CAMTA1: variants seen among roughly 807,000 people sequenced by gnomAD.
CAMTA1 encodes calmodulin-binding transcription activator 1.
A neutral mutation model predicts 170.9 loss-of-function variants in CAMTA1; 27 were observed. That is an observed-to-expected ratio of 0.16 (90% CI 0.12 to 0.22). The LOEUF (loss-of-function observed/expected upper bound fraction) is 0.22, where lower values mean the gene tolerates loss of function less well. Ranked by LOEUF, CAMTA1 falls within the 10% of genes least tolerant of loss-of-function variation. CAMTA1 has a pLI of 1.00. For synonymous variants in CAMTA1, 833 were observed against 891.5 expected (o/e 0.93, Z 1.17); for missense variants, 1,619 against 2,217.2 (o/e 0.73, Z 5.42).
chr1:7,032,925 A>G (rs78197799), intron 3 of CAMTA1, among the ~76,000 whole-genome samples: 3,140 of 152,130 alleles, frequency 0.021, 94 homozygotes, highest in African/African-American at 0.071. Flanking sequence ...GTCTGCAGTT[A>G]TTCATATCTT....
chr1:7,498,193 T>TGAGTGTTG lies in CAMTA1; in HGVS notation c.510+30293_510+30294insAGTGTTGG, dbSNP rs529752154. Among the ~76,000 whole-genome samples the TGAGTGTTG allele has an allele frequency of 8.7e-3, 1,293 of 147,946 alleles. 18 individuals carry two copies. Among genetic ancestry groups the TGAGTGTTG allele is most frequent in the African/African-American group, 0.03 (1,187 of 39,878 alleles). On this transcript the variant is annotated intron_variant, in intron 6 of 22. Coordinates refer to ENST00000303635, the MANE Select transcript of CAMTA1 (RefSeq NM_015215.4). Reference sequence around the variant, plus strand: ...GTGCATGTGTGTGTATGAGAGTGAGTGTGTGTGTGTGTGACAGTGTGGATG... The same window carrying TGAGTGTTG: ...GTGCATGTGTGTGTATGAGAGTGAGTGAGTGTTGGTGTGTGTGTGTGACAGTGTGGATG...
At position 7,041,193 on chromosome 1, in the gene CAMTA1, T is replaced by G. The variant is rs1050461198; in HGVS notation, c.235-50111T>G. On this transcript the variant is annotated intron_variant, in intron 3 of 22. Coordinates refer to ENST00000303635, the MANE Select transcript of CAMTA1 (RefSeq NM_015215.4). This position sits in a 1 kb window ranked among gnomAD's most constrained non-coding sequence, Gnocchi z 5.1. Reference sequence around the variant, plus strand: ...TGTCAGCCACCCTTGGTTCATTTTCTACACGAGGCCCCACACGGCCCCGGA... The same window carrying G: ...TGTCAGCCACCCTTGGTTCATTTTCGACACGAGGCCCCACACGGCCCCGGA... Among the ~76,000 whole-genome samples, 6 of 152,270 alleles carry G rather than the reference T, an allele frequency of 3.9e-5. No individual in the cohort carries two copies. Among genetic ancestry groups the G allele is most frequent in the Admixed American group, 1.3e-4 (2 of 15,294 alleles).
intron 3 of CAMTA1, among the ~76,000 whole-genome samples, chr1:7,086,971 G>GAA (rs1640828116): frequency 3.9e-5 from 6 of 152,206 alleles, no homozygotes; most frequent in African/African-American, 1.4e-4. Context: ...ACTTGTGTTT[G>GAA]AGGGGCTGCA....
intron 11 of CAMTA1, among the ~76,000 whole-genome samples, chr1:7,703,900 T>C (rs1005561752): frequency 2.0e-5 from 3 of 152,040 alleles, no homozygotes; most frequent in Non-Finnish European, 4.4e-5. Context: ...AGTCCCCAAG[T>C]GCGCAGGGCT....
intron 5 of CAMTA1, among the ~76,000 whole-genome samples, chr1:7,321,454 C>CT: frequency 6.6e-6 from 1 of 152,320 alleles, no homozygotes; most frequent in East Asian, 1.9e-4. Flanking sequence ...CTCAGTGATG[C>CT]TTGGCCCTCT....
chr1:7,303,727 C>T (rs1675146933), intron 5 of CAMTA1, among the ~76,000 whole-genome samples: 1 of 152,058 alleles, frequency 6.6e-6, no homozygotes, highest in African/African-American at 2.4e-5. Context: ...ATGAGAGACA[C>T]AGGGAAAAAC....
chr1:7,136,502 T>G (rs1645553313), intron 4 of CAMTA1, among the ~76,000 whole-genome samples: 1 of 152,180 alleles, frequency 6.6e-6, no homozygotes, highest in African/African-American at 2.4e-5. Flanking sequence ...TCATACCCTA[T>G]CTATCTGTAG....
chr1:7,521,460 T>TTGTGTG (rs577852016), intron 6 of CAMTA1, among the ~76,000 whole-genome samples: 1 of 149,734 alleles, frequency 6.7e-6, no homozygotes, highest in Non-Finnish European at 1.5e-5. Flanking sequence ...TTACTTGCAT[T>TTGTGTG]TGTGTGTGTG....
intron 3 of CAMTA1, among the ~76,000 whole-genome samples, chr1:6,853,670 A>T (rs1661230344): frequency 2.0e-5 from 3 of 152,198 alleles, no homozygotes; most frequent in Non-Finnish European, 4.4e-5. Context: ...ATCAAAGCAG[A>T]TCACAACTCT....
chr1:6,946,188 C>CTTT (rs58150091), intron 3 of CAMTA1, among the ~76,000 whole-genome samples: 4 of 145,498 alleles, frequency 2.7e-5, no homozygotes, highest in Non-Finnish European at 4.5e-5. Context: ...TCTTTCTCTT[C>CTTT]TTTTTTTTTT....
intron 6 of CAMTA1, among the ~76,000 whole-genome samples, chr1:7,505,093 C>T (rs532293410): frequency 2.6e-4 from 40 of 152,194 alleles, no homozygotes; most frequent in African/African-American, 8.2e-4. Context: ...GCCTCCTTCA[C>T]GGGCGGAAGT....
intron 3 of CAMTA1, among the ~76,000 whole-genome samples, chr1:7,046,110 T>C (rs1412242401): frequency 6.6e-6 from 1 of 152,216 alleles, no homozygotes; most frequent in Non-Finnish European, 1.5e-5. Flanking sequence ...TCAGTAGAAG[T>C]GCACAGAAAG....
At chr1:6,794,889 TG>T (rs372160889) in intron 1 of CAMTA1, among the ~76,000 whole-genome samples, 25 of 144,548 alleles carry the variant, frequency 1.7e-4, no homozygotes, top group African/African-American at 4.8e-4. Flanking sequence ...GCTTTTTTTT[TG>T]TTTTTTTTGT....
chr1:7,528,169 T>C (rs868778022), intron 6 of CAMTA1, among the ~76,000 whole-genome samples: 7 of 152,260 alleles, frequency 4.6e-5, no homozygotes, highest in South Asian at 4.1e-4. Context: ...AGACTGATCT[T>C]GTTCCTGAGC....
intron 4 of CAMTA1, among the ~76,000 whole-genome samples, chr1:7,186,756 C>A (rs1470187657): frequency 6.6e-6 from 1 of 152,142 alleles, no homozygotes; most frequent in East Asian, 1.9e-4. Context: ...ATGTGCCAGG[C>A]ACTATTCCTT....
chr1:7,040,599 C>A (rs1704287047), intron 3 of CAMTA1, among the ~76,000 whole-genome samples: 1 of 152,106 alleles, frequency 6.6e-6, no homozygotes, highest in South Asian at 2.1e-4. Context: ...CCCAGGTGTA[C>A]CCGTAAGCAG....
intron 1 of CAMTA1, among the ~76,000 whole-genome samples, chr1:6,792,790 A>G (rs1013703042): frequency 2.0e-5 from 3 of 152,142 alleles, no homozygotes; most frequent in Admixed American, 6.5e-5. Flanking sequence ...GTCACGTAAC[A>G]TATCCTTTCC....
At chr1:7,368,879 C>G (rs1464641976) in intron 5 of CAMTA1, 1 of 152,326 alleles carries the variant, frequency 6.6e-6, no homozygotes, top group Non-Finnish European at 1.5e-5. Flanking sequence ...TGCCACGAAG[C>G]CCTTGCCAGT....
At chr1:7,497,195 G>C (rs1191630111) in intron 6 of CAMTA1, among the ~76,000 whole-genome samples, 2 of 152,120 alleles carry the variant, frequency 1.3e-5, no homozygotes, top group Non-Finnish European at 2.9e-5. Context: ...ACCTCCCCTG[G>C]AGATGGAGCC....
Sources: allele counts gnomAD v4.1 joint callset (sites outside exome capture counted in the v4.1 genomes callset), GRCh38; gene constraint gnomAD v4.1.1; non-coding constraint Gnocchi (gnomAD v3.1); transcripts MANE v1.5; gene names NCBI Gene and HGNC (gene_info 2026-07-23, HGNC 2026-07-21).